SLC2A5: variants seen among roughly 807,000 people sequenced by gnomAD.
SLC2A5 encodes solute carrier family 2 member 5, also known as solute carrier family 2, facilitated glucose transporter member 5.
In SLC2A5, 56 loss-of-function variants were observed where a neutral mutation model predicts 50.3. The observed-to-expected ratio is 1.11, with a 90% CI of 0.90 to 1.39. SLC2A5 has a LOEUF of 1.39. SLC2A5 is among the 40% of genes most tolerant of loss of function. The pLI is 0.00. For missense variants in SLC2A5, 566 were observed against 650.1 expected (o/e 0.87, Z 1.41); for synonymous variants, 269 against 281.9 (o/e 0.95, Z 0.46).
intron 3 of SLC2A5, among the ~76,000 whole-genome samples, chr1:9,048,150 G>A (rs552751748): frequency 1.3e-5 from 2 of 152,300 alleles, no homozygotes; most frequent in East Asian, 3.9e-4. Flanking sequence ...AATCCTAAAT[G>A]AAATCTTAGT....
At position 9,035,576 on chromosome 1, in the gene SLC2A5, T is replaced by G. The variant is rs1283820344; in HGVS notation, c.*2010A>C. On this transcript the variant is annotated 3_prime_UTR_variant, in exon 12 of 12. Coordinates refer to ENST00000377424, the MANE Select transcript of SLC2A5 (RefSeq NM_003039.3). ...TCTGCCACCCATCTATGAGAAGACA[T>G]CACTTCTTGCTACAGGCCATTCAGC... The G allele has an allele frequency of 6.6e-6, 1 of 152,344 alleles. No homozygotes were observed. The highest frequency in any genetic ancestry group is 1.9e-4 in the East Asian group (1 of 5,196). 9.4% of individuals were successfully genotyped at this position (152,344 alleles called of 1,614,324 possible).
intron 3 of SLC2A5, among the ~76,000 whole-genome samples, chr1:9,049,946 G>T (rs1478686853): frequency 6.6e-6 from 1 of 151,992 alleles, no homozygotes; most frequent in Non-Finnish European, 1.5e-5. Flanking sequence ...AGACCAGCCT[G>T]GGCAACATAG....
At chr1:9,053,689 C>A (rs914479015) in intron 3 of SLC2A5, among the ~76,000 whole-genome samples, 1 of 146,936 alleles carries the variant, frequency 6.8e-6, no homozygotes, top group African/African-American at 2.5e-5. Flanking sequence ...GCCTGGCCAA[C>A]ATGGTGAAAC....
chr1:9,039,529 TG>T, intron 8 of SLC2A5, 22 bp downstream of exon 8: 1 of 1,525,938 alleles, frequency 6.6e-7, no homozygotes, highest in Non-Finnish European at 8.9e-7. Context: ...GTGGAGGCTG[TG>T]GGCAGCTCCC....
At chr1:9,060,073 T>TAC (rs142027521) in intron 1 of SLC2A5, among the ~76,000 whole-genome samples, 1 of 119,828 alleles carries the variant, frequency 8.3e-6, no homozygotes, top group Non-Finnish European at 1.8e-5. Flanking sequence ...ATACACACAC[T>TAC]ACACACACAC....
intron 4 of SLC2A5, among the ~76,000 whole-genome samples, chr1:9,043,823 G>A (rs1012393298): frequency 9.9e-5 from 15 of 151,616 alleles, no homozygotes; most frequent in Non-Finnish European, 1.5e-4. Flanking sequence ...CCAGGTTCAA[G>A]TGATTCTCCT....
At chr1:9,087,731 G>A (rs955474205) in intron 1 of SLC2A5, among the ~76,000 whole-genome samples, 1 of 151,994 alleles carries the variant, frequency 6.6e-6, no homozygotes, top group African/African-American at 2.4e-5. Flanking sequence ...TGTGAGACTC[G>A]GGCCAGGGCT....
Position 9,040,054 on chromosome 1 carries a change from C to A in SLC2A5, c.697+10G>T. The stretch of plus-strand genomic sequence containing the variant: ...AACCTGGAGGCCGCCCCCGCCAGAG[C>A]CCTCGTTACCTTTCTTGGCGGCCGC... On this transcript the variant is annotated intron_variant, in intron 6 of 11. Coordinates refer to ENST00000377424, the MANE Select transcript of SLC2A5 (RefSeq NM_003039.3). This position sits in a 1 kb window ranked among gnomAD's most constrained non-coding sequence, Gnocchi z 4.3. 1 of 1,582,896 alleles carries A rather than the reference C, an allele frequency of 6.3e-7. No individual in the cohort carries two copies. The highest frequency in any genetic ancestry group is 8.6e-7 in the Non-Finnish European group (1 of 1,161,770).
At chr1:9,078,732 G>A (rs1408833753) in intron 2 of SLC2A5, among the ~76,000 whole-genome samples, 1 of 152,190 alleles carries the variant, frequency 6.6e-6, no homozygotes, top group African/African-American at 2.4e-5. Context: ...GCAGCTATCA[G>A]GAACAAAGTG....
upstream of SLC2A5, among the ~76,000 whole-genome samples, chr1:9,074,493 G>A (rs142927272): frequency 1.3e-5 from 2 of 152,260 alleles, no homozygotes; most frequent in Non-Finnish European, 2.9e-5. Context: ...CAGTAAATCA[G>A]CACTTTACAT....
At chr1:9,045,488 T>C (rs993936487) in intron 4 of SLC2A5, among the ~76,000 whole-genome samples, 2 of 152,222 alleles carry the variant, frequency 1.3e-5, no homozygotes, top group Non-Finnish European at 2.9e-5. Context: ...GTATTGTTAA[T>C]GGTCAATAGA....
chr1:9,087,123 G>A (rs1000065863), intron 1 of SLC2A5, among the ~76,000 whole-genome samples: 1 of 152,036 alleles, frequency 6.6e-6, no homozygotes, highest in African/African-American at 2.4e-5. Context: ...CACCTAACTC[G>A]GCCAGAAGCC....
chr1:9,083,107 T>G (rs1642370662), intron 2 of SLC2A5, among the ~76,000 whole-genome samples: 2 of 152,168 alleles, frequency 1.3e-5, no homozygotes, highest in South Asian at 4.1e-4. Flanking sequence ...CTAGCCTGGG[T>G]AACACCGCAA....
chr1:9,039,575 TC>T lies in SLC2A5; in HGVS notation c.972del (p.Asn325ThrfsTer4), dbSNP rs755935083. 11 of 1,575,106 alleles carry T rather than the reference TC, an allele frequency of 7.0e-6. No homozygotes were observed. In the South Asian group the frequency reaches 1.3e-4, roughly 18 times the overall value. Reference protein sequence around the residue: ...VQYVTAGTGAVNVVMTFCAVF... With the variant: ...VQYVTAGTGAXNVVMTFCAVF... ...ACGGCGCAGAAGGTCATGACCACGT[TC>T]ACGGCCCCGGTGCCGGCCGTCACGT... is the stretch of plus-strand genomic sequence containing the variant. On this transcript the variant is annotated frameshift_variant, in exon 8 of 12. Transcript: ENST00000377424. LOFTEE classifies it high-confidence loss of function.
intron 3 of SLC2A5, among the ~76,000 whole-genome samples, chr1:9,053,095 TA>T (rs1296076811): frequency 8.7e-6 from 1 of 114,516 alleles, no homozygotes; most frequent in African/African-American, 3.4e-5. Flanking sequence ...ATATAATATA[TA>T]TTTATATATA....
At chr1:9,057,817 C>T (rs1641801735) in intron 2 of SLC2A5, among the ~76,000 whole-genome samples, 1 of 152,138 alleles carries the variant, frequency 6.6e-6, no homozygotes, top group Non-Finnish European at 1.5e-5. Flanking sequence ...CAGCAGCAAA[C>T]CACCCTGGGT....
At chr1:9,043,089 A>G (rs533925484) in intron 4 of SLC2A5, among the ~76,000 whole-genome samples, 2 of 152,330 alleles carry the variant, frequency 1.3e-5, no homozygotes, top group Admixed American at 1.3e-4. Context: ...TAATTCTCCT[A>G]AAAGCACATC....
At chr1:9,056,944 C>T (rs1488471430) in intron 3 of SLC2A5, among the ~76,000 whole-genome samples, 1 of 152,202 alleles carries the variant, frequency 6.6e-6, no homozygotes, top group Non-Finnish European at 1.5e-5. Context: ...GAGACCCTGC[C>T]TAGGTCCCCA....
chr1:9,092,581 AT>A (rs1642470794), upstream of SLC2A5, among the ~76,000 whole-genome samples: 1 of 152,152 alleles, frequency 6.6e-6, no homozygotes, highest in Non-Finnish European at 1.5e-5. Context: ...TTTTACCCAT[AT>A]GCCCCCAGTA....
Sources: allele counts gnomAD v4.1 joint callset (sites outside exome capture counted in the v4.1 genomes callset), GRCh38; gene constraint gnomAD v4.1.1; non-coding constraint Gnocchi (gnomAD v3.1); transcripts MANE v1.5; gene names NCBI Gene and HGNC (gene_info 2026-07-23, HGNC 2026-07-21).